KIAA0930: variants seen among roughly 807,000 people sequenced by gnomAD.
The protein encoded by KIAA0930 is uncharacterized protein KIAA0930.
In KIAA0930, 24 loss-of-function variants were observed where a neutral mutation model predicts 43.9. The ratio of observed to expected loss-of-function variants is 0.55; its 90% confidence interval spans 0.40 to 0.77. The LOEUF (loss-of-function observed/expected upper bound fraction) is 0.77, where lower values mean the gene tolerates loss of function less well. Ranked by LOEUF, KIAA0930 falls within the 30% of genes least tolerant of loss-of-function variation. The probability of loss-of-function intolerance (pLI) is 0.00; values close to 1 mark genes in which losing one functional copy is unlikely to be tolerated. For synonymous variants in KIAA0930, 259 were observed against 216.4 expected, an observed-to-expected ratio of 1.20 and a Z score of -1.73; for missense variants, 461 against 574.2, an observed-to-expected ratio of 0.80 and a Z score of 2.02.
At chr22:45,225,687 G>A (rs1426362020) in intron 1 of KIAA0930, among the ~76,000 whole-genome samples, 3 of 152,164 alleles carry the variant, frequency 2.0e-5, no homozygotes, top group Non-Finnish European at 4.4e-5. Flanking sequence ...CTCCACCTTT[G>A]CAGTCACCCC....
At chr22:45,238,613 G>A (rs1054225794) in intron 1 of KIAA0930, among the ~76,000 whole-genome samples, 1 of 152,156 alleles carries the variant, frequency 6.6e-6, no homozygotes, top group Non-Finnish European at 1.5e-5. Flanking sequence ...GAGTAGGGGC[G>A]GCTTTCCGGG....
At chr22:45,230,445 C>CA (rs2083845452) in intron 1 of KIAA0930, among the ~76,000 whole-genome samples, 1 of 152,154 alleles carries the variant, frequency 6.6e-6, no homozygotes, top group South Asian at 2.1e-4. Flanking sequence ...ATGAGACCCT[C>CA]ATGTGAAAGG....
chr22:45,225,880 G>C (rs2083796592), intron 1 of KIAA0930, among the ~76,000 whole-genome samples: 1 of 152,240 alleles, frequency 6.6e-6, no homozygotes, highest in Non-Finnish European at 1.5e-5. Context: ...GAGGAACTTG[G>C]GGCTCAAGGC....
intron 8 of KIAA0930, among the ~76,000 whole-genome samples, chr22:45,198,743 A>G (rs1245343731): frequency 6.6e-6 from 1 of 151,728 alleles, no homozygotes; most frequent in African/African-American, 2.4e-5. Flanking sequence ...TCTGCCTCCC[A>G]GGTTCAAGAG....
chr22:45,200,002 G>T lies in KIAA0930; in HGVS notation c.886C>A (p.Arg296=). Residue 296 remains arginine, a synonymous_variant, in exon 8 of 10, where the codon CGG becomes AGG. Transcript: ENST00000336156. ...GAGAAGAAGGCAGGCCGGTTGTTCC[G>T]TTCTGGGGTGGGGGGTGTGCTGAAG... is the stretch of plus-strand genomic sequence containing the variant. The part of the protein sequence containing the change: ...TSFSTPPTPE[R]NNRPAFFSPS... 6.2e-7 allele frequency: 1 copy of T among 1,603,964 alleles called. No homozygotes were observed. The highest frequency in any genetic ancestry group is 8.5e-7 in the Non-Finnish European group (1 of 1,175,274).
chr22:45,238,087 A>ATT (rs914782489), intron 1 of KIAA0930, among the ~76,000 whole-genome samples: 5 of 146,448 alleles, frequency 3.4e-5, no homozygotes, highest in African/African-American at 1.2e-4. Context: ...CGCCTGGCTA[A>ATT]TTTTTTTTTT....
chr22:45,208,613 G>A (rs959991986), intron 2 of KIAA0930, among the ~76,000 whole-genome samples: 1 of 152,212 alleles, frequency 6.6e-6, no homozygotes, highest in Non-Finnish European at 1.5e-5. Flanking sequence ...GTTGAGCCCT[G>A]GGGTGGGGTG....
chr22:45,199,244 G>A (rs1235220713), intron 8 of KIAA0930, among the ~76,000 whole-genome samples: 2 of 152,188 alleles, frequency 1.3e-5, no homozygotes, highest in Non-Finnish European at 2.9e-5. Flanking sequence ...GTCACTGAGC[G>A]AGGACAGGGA....
In KIAA0930 at chr22:45,193,968, C is replaced by T. The variant is rs187613555; in HGVS notation, c.*3208G>A. The stretch of plus-strand genomic sequence containing the variant: ...TTCTAAAAAGTGACACCTAGGTTTC[C>T]TCAACAGAAAGCTGTGCTTCAATCC... On this transcript the variant is annotated 3_prime_UTR_variant, in exon 10 of 10. Coordinates refer to ENST00000336156, the MANE Select transcript of KIAA0930 (RefSeq NM_001009880.2). The T allele has an allele frequency of 6.6e-6, 1 of 150,460 alleles. No individual in the cohort carries two copies. Among genetic ancestry groups the T allele is most frequent in the East Asian group, 2.0e-4 (1 of 5,076 alleles). 9.3% of individuals were successfully genotyped at this position (150,460 alleles called of 1,614,324 possible). A position where few individuals can be genotyped will look rare whatever the true frequency, so the allele number is the denominator to read the frequency against.
At chr22:45,223,263 G>A (rs74403529) in intron 1 of KIAA0930, among the ~76,000 whole-genome samples, 3,094 of 152,300 alleles carry the variant, frequency 0.02, 104 homozygotes, top group African/African-American at 0.07. Context: ...AAGTTCTCTA[G>A]AATAAATGAA....
At chr22:45,218,333 ATTTTTTTTTTTTTTTTT>A in intron 1 of KIAA0930, among the ~76,000 whole-genome samples, 1 of 51,706 alleles carries the variant, frequency 1.9e-5, no homozygotes, top group East Asian at 7.0e-4. Flanking sequence ...AATTTTTTTG[ATTTTTTTTTTTTTTTTT>A]TTTTTTTTTT....
At chr22:45,216,289 G>T (rs1414115158) in intron 1 of KIAA0930, among the ~76,000 whole-genome samples, 1 of 152,108 alleles carries the variant, frequency 6.6e-6, no homozygotes, top group Non-Finnish European at 1.5e-5. Flanking sequence ...ACCCTCAGTG[G>T]TTCTACCTGT....
At chr22:45,209,256 G>C (rs1010864345) in intron 2 of KIAA0930, among the ~76,000 whole-genome samples, 1 of 152,290 alleles carries the variant, frequency 6.6e-6, no homozygotes, top group Admixed American at 6.5e-5. Flanking sequence ...TCCCGCAGAG[G>C]ACTTGCAGTG....
chr22:45,215,674 G>A (rs1044545263), intron 1 of KIAA0930, among the ~76,000 whole-genome samples: 9 of 152,328 alleles, frequency 5.9e-5, no homozygotes, highest in East Asian at 1.9e-4. Context: ...GTAATACGAT[G>A]TTTAGTGGAA....
chr22:45,220,545 G>A (rs550985347), intron 1 of KIAA0930, among the ~76,000 whole-genome samples: 2 of 152,244 alleles, frequency 1.3e-5, no homozygotes, highest in Admixed American at 6.5e-5. Context: ...GATGCTGAAG[G>A]AGCATTCAAT....
rs567876973 is a variant in KIAA0930, at chr22:45,209,742, G to T, written c.216+2214C>A. Among the ~76,000 whole-genome samples, 66 of 152,330 alleles carry T rather than the reference G, an allele frequency of 4.3e-4. 1 individual carries two copies. Among genetic ancestry groups the T allele is most frequent in the African/African-American group, 1.6e-3 (66 of 41,570 alleles). The stretch of plus-strand genomic sequence containing the variant: ...CATTTCTGTGCTCCCAGCACTGAGT[G>T]TGGGGGGGCATCTGCACATGGCTCA... On this transcript the variant is annotated intron_variant, in intron 2 of 9. Coordinates refer to ENST00000336156, the MANE Select transcript of KIAA0930 (RefSeq NM_001009880.2).
chr22:45,232,482 C>A (rs886146541), intron 1 of KIAA0930, among the ~76,000 whole-genome samples: 1 of 152,232 alleles, frequency 6.6e-6, no homozygotes, highest in East Asian at 1.9e-4. Flanking sequence ...CTGGTGAGAT[C>A]AGGCAGCCAG....
At chr22:45,209,156 C>A (rs929859995) in intron 2 of KIAA0930, among the ~76,000 whole-genome samples, 1 of 152,238 alleles carries the variant, frequency 6.6e-6, no homozygotes, top group Non-Finnish European at 1.5e-5. Flanking sequence ...CATCCACGCT[C>A]CCCTGCTAGG....
chr22:45,204,866 T>C (rs1424548944), intron 5 of KIAA0930, among the ~76,000 whole-genome samples: 2 of 152,012 alleles, frequency 1.3e-5, no homozygotes, highest in African/African-American at 4.8e-5. Flanking sequence ...GGCGCTTCTT[T>C]ATCATTTACT....
Sources: allele counts gnomAD v4.1 joint callset (sites outside exome capture counted in the v4.1 genomes callset), GRCh38; gene constraint gnomAD v4.1.1; transcripts MANE v1.5; gene names NCBI Gene and HGNC (gene_info 2026-07-23, HGNC 2026-07-21).